Variants in DNM3 observed in about 807,000 individuals in gnomAD.
DNM3 encodes dynamin 3.
DNM3 carries 47 observed loss-of-function variants against 101.6 expected under a neutral mutation model. The observed-to-expected ratio is 0.46, with a 90% CI of 0.37 to 0.59. DNM3 has a LOEUF of 0.59. DNM3 is among the 20% of genes least tolerant of loss of function. The pLI is 0.00. For synonymous variants in DNM3, 385 were observed against 387.9 expected (o/e 0.99, Z 0.09); for missense variants, 849 against 1,085.7 (o/e 0.78, Z 3.06).
At chr1:172,221,491 A>G (rs907992672) in intron 14 of DNM3, among the ~76,000 whole-genome samples, 3 of 152,158 alleles carry the variant, frequency 2.0e-5, no homozygotes, top group Non-Finnish European at 2.9e-5. Context: ...TTAACAATCC[A>G]CAGGGAAGAG....
intron 14 of DNM3, among the ~76,000 whole-genome samples, chr1:172,148,265 A>G (rs2057994497): frequency 6.6e-6 from 1 of 151,812 alleles, no homozygotes. Flanking sequence ...GATAAAATAT[A>G]AGCTAATTGA....
At position 172,410,490 on chromosome 1, in the gene DNM3, T is replaced by C; in HGVS notation, c.*2649T>C. 1 of 983,234 alleles carries C rather than the reference T, an allele frequency of 1.0e-6. No individual in the cohort carries two copies. Among genetic ancestry groups the C allele is most frequent in the Non-Finnish European group, 1.2e-6 (1 of 827,984 alleles). The allele number at this position is 983,234 out of a possible 1,614,324, so 60.9% of individuals were successfully genotyped here. ...AAATAAACTGTAAATGTTTATTTGATAGGTAAATATAGTTTTATTGTCACA... is the reference window on the plus strand; with the variant it reads ...AAATAAACTGTAAATGTTTATTTGACAGGTAAATATAGTTTTATTGTCACA... On this transcript the variant is annotated 3_prime_UTR_variant, in exon 21 of 21. Coordinates refer to ENST00000627582, the MANE Select transcript of DNM3 (RefSeq NM_015569.5).
At chr1:172,123,644 G>A (rs916367995) in intron 13 of DNM3, among the ~76,000 whole-genome samples, 3 of 152,130 alleles carry the variant, frequency 2.0e-5, no homozygotes, top group Admixed American at 2.0e-4. Flanking sequence ...GGGCAAGAAT[G>A]GCAGAAAGAT....
intron 14 of DNM3, among the ~76,000 whole-genome samples, chr1:172,220,488 G>A (rs971299635): frequency 1.3e-5 from 2 of 152,180 alleles, no homozygotes; most frequent in African/African-American, 4.8e-5. Context: ...GAGTGCACAT[G>A]GGGGAGGCAG....
chr1:172,188,630 C>T (rs2148425183), intron 14 of DNM3, among the ~76,000 whole-genome samples: 1 of 152,168 alleles, frequency 6.6e-6, no homozygotes, highest in Admixed American at 6.6e-5. Context: ...AAAAAAGCTA[C>T]TCTAAACATT....
At chr1:172,272,398 A>G (rs1370764126) in intron 15 of DNM3, among the ~76,000 whole-genome samples, 1 of 152,160 alleles carries the variant, frequency 6.6e-6, no homozygotes, top group Non-Finnish European at 1.5e-5. Flanking sequence ...GTGATGACAT[A>G]GCAGTGAAGG....
At chr1:172,181,834 G>C (rs1050672879) in intron 14 of DNM3, among the ~76,000 whole-genome samples, 4 of 150,994 alleles carry the variant, frequency 2.6e-5, no homozygotes, top group Non-Finnish European at 2.9e-5. Flanking sequence ...AATAAACTGG[G>C]GTTATTTGAA....
chr1:171,854,287 A>G (rs1016298907), intron 1 of DNM3, among the ~76,000 whole-genome samples: 9 of 152,156 alleles, frequency 5.9e-5, no homozygotes, highest in Non-Finnish European at 1.2e-4. Context: ...CAGCTTCCTC[A>G]TTGGTACAAT....
Position 172,092,828 on chromosome 1 carries a change from C to T in DNM3, c.1498C>T (p.Gln500Ter). The change falls in exon 13 of 21, where the codon CAG becomes TAG. Residue 500 changes from glutamine (Q) to a stop codon, truncating the protein, a stop_gained. Coordinates refer to ENST00000627582, the MANE Select transcript of DNM3 (RefSeq NM_015569.5). LOFTEE classifies it high-confidence loss of function. ...HEDFIGFANA[Q>*]QRSSQVHKKT... ...GCTTTCCTTTGCTTTTCTCAGTGCT[C>T]AGCAGAGGAGCAGTCAGGTTCACAA... 1 of 1,557,476 alleles carries T rather than the reference C, an allele frequency of 6.4e-7. No homozygotes were observed. Among genetic ancestry groups the T allele is most frequent in the Non-Finnish European group, 8.7e-7 (1 of 1,149,678 alleles).
intron 10 of DNM3, among the ~76,000 whole-genome samples, chr1:172,068,534 C>T (rs1273992769): frequency 2.6e-5 from 4 of 152,134 alleles, no homozygotes. Flanking sequence ...AGTGCCAACT[C>T]AGCAGGAGCA....
intron 4 of DNM3, among the ~76,000 whole-genome samples, chr1:172,023,204 C>T (rs1227989357): frequency 1.3e-5 from 2 of 152,070 alleles, no homozygotes; most frequent in Non-Finnish European, 2.9e-5. Context: ...ATCAATTGCT[C>T]TCTTGGTCTC....
In DNM3 at chr1:171,872,330, G is replaced by GTTTTTCCTTTT. The variant is rs1302330100; in HGVS notation, c.161+30526_161+30536dup. 3.9e-5 allele frequency among the ~76,000 whole-genome samples: 6 copies of GTTTTTCCTTTT among 152,034 alleles called. No homozygotes were observed. In the East Asian group the frequency reaches 1.2e-3, roughly 29 times the overall value. ...CTTTGTTATCTCCCACCCCAAAATAGTTTTTCCTTTTTTTTTCCTTTTTGC... is the reference window on the plus strand; with the variant it reads ...CTTTGTTATCTCCCACCCCAAAATAGTTTTTCCTTTTTTTTTCCTTTTTTTTTCCTTTTTGC... On this transcript the variant is annotated intron_variant, in intron 1 of 20. Coordinates refer to ENST00000627582, the MANE Select transcript of DNM3 (RefSeq NM_015569.5).
At chr1:172,212,940 C>T (rs151158776) in intron 14 of DNM3, among the ~76,000 whole-genome samples, 2 of 152,098 alleles carry the variant, frequency 1.3e-5, no homozygotes, top group Non-Finnish European at 2.9e-5. Flanking sequence ...TAGAGATCGT[C>T]GTGTAGTCAA....
intron 12 of DNM3, among the ~76,000 whole-genome samples, 183 bp from the exon 13 acceptor site, chr1:172,092,641 T>C (rs1480631089): frequency 3.3e-5 from 5 of 152,228 alleles, no homozygotes; most frequent in African/African-American, 9.6e-5. Flanking sequence ...CTAGGAGTTA[T>C]GTGCTATTAG....
At position 172,373,222 on chromosome 1, in the gene DNM3, T is replaced by C. The variant is rs78515325; in HGVS notation, c.1894-5796T>C. 3.7e-3 allele frequency among the ~76,000 whole-genome samples: 559 copies of C among 152,206 alleles called. 3 individuals carry two copies. The highest frequency in any genetic ancestry group is 0.013 in the African/African-American group (529 of 41,544). On this transcript the variant is annotated intron_variant, in intron 17 of 20. Transcript: ENST00000627582. ...AATACATGCAGTAATAATGCTTTCTTAGCAAAATTCGCATCTTTAGTCTCC... is the reference window on the plus strand; with the variant it reads ...AATACATGCAGTAATAATGCTTTCTCAGCAAAATTCGCATCTTTAGTCTCC...
chr1:172,099,470 G>A (rs2054482191), intron 13 of DNM3, among the ~76,000 whole-genome samples: 1 of 151,972 alleles, frequency 6.6e-6, no homozygotes, highest in Non-Finnish European at 1.5e-5. Flanking sequence ...CAGTCCATAA[G>A]TGGCACACAT....
At chr1:172,294,726 A>G (rs373837671) in intron 15 of DNM3, among the ~76,000 whole-genome samples, 3 of 152,096 alleles carry the variant, frequency 2.0e-5, no homozygotes, top group Non-Finnish European at 4.4e-5. Flanking sequence ...CAGCCTAGAC[A>G]ATCTGGCGAA....
chr1:172,284,204 A>G (rs2063609206), intron 15 of DNM3, among the ~76,000 whole-genome samples: 1 of 152,232 alleles, frequency 6.6e-6, no homozygotes, highest in Admixed American at 6.5e-5. Context: ...TTTTTAAACA[A>G]CAATTTTTAA....
At chr1:172,001,875 G>A (rs1258713108) in intron 4 of DNM3, among the ~76,000 whole-genome samples, 2 of 151,938 alleles carry the variant, frequency 1.3e-5, no homozygotes, top group African/African-American at 4.8e-5. Context: ...AAATCCATGG[G>A]TGATGTAAAC....
Sources: allele counts gnomAD v4.1 joint callset (sites outside exome capture counted in the v4.1 genomes callset), GRCh38; gene constraint gnomAD v4.1.1; transcripts MANE v1.5; gene names NCBI Gene and HGNC (gene_info 2026-07-23, HGNC 2026-07-21).